RANBP2: variants seen among roughly 807,000 people sequenced by gnomAD.
RANBP2 encodes the protein E3 SUMO-protein ligase RanBP2.
A neutral mutation model predicts 303.6 loss-of-function variants in RANBP2; 57 were observed. That is an observed-to-expected ratio of 0.19 (90% CI 0.15 to 0.23). The LOEUF (loss-of-function observed/expected upper bound fraction) is 0.23, where lower values mean the gene tolerates loss of function less well. Among genes scored for constraint, RANBP2 ranks in the 10% least tolerant of loss-of-function variants. The pLI is 1.00. For synonymous variants in RANBP2, 1,167 were observed against 1,301.5 expected (o/e 0.90, Z 2.23); for missense variants, 3,138 against 3,780.8 (o/e 0.83, Z 4.46).
chr2:108,949,166 G>T, the RANBP2 span, among the ~76,000 whole-genome samples: 1 of 152,032 alleles, frequency 6.6e-6, no homozygotes, highest in African/African-American at 2.4e-5. Flanking sequence ...GTTTTTTGTA[G>T]AGATGGGATT....
the RANBP2 span, among the ~76,000 whole-genome samples, chr2:109,188,175 C>G: frequency 2.0e-5 from 3 of 152,234 alleles, no homozygotes; most frequent in African/African-American, 4.8e-5. Context: ...TCCCAAGAAC[C>G]AGACCTTGCT....
At chr2:108,725,729 C>CAA (rs760039984) in intron 1 of RANBP2, among the ~76,000 whole-genome samples, 2 of 137,698 alleles carry the variant, frequency 1.5e-5, no homozygotes, top group South Asian at 2.4e-4. Flanking sequence ...GACTCCATCT[C>CAA]AAAAAAAAAA....
At chr2:109,321,680 A>C in the RANBP2 span, among the ~76,000 whole-genome samples, 1 of 152,236 alleles carries the variant, frequency 6.6e-6, no homozygotes, top group Non-Finnish European at 1.5e-5. Context: ...AAAATGAATA[A>C]ATTTGTAATA....
At chr2:108,870,590 TATCTGCAAAGCAACA>T in the RANBP2 span, among the ~76,000 whole-genome samples, 1 of 151,770 alleles carries the variant, frequency 6.6e-6, no homozygotes, top group Non-Finnish European at 1.5e-5. Flanking sequence ...AGACAAAGAG[TATCTGCAAAGCAACA>T]AAAGTAAATG....
In RANBP2 at chr2:108,762,130, A is replaced by G. The variant is rs1340316458; in HGVS notation, c.2632A>G (p.Ser878Gly). The change falls in exon 19 of 29, where the codon AGT becomes GGT. Residue 878 changes from serine (S) to glycine (G), a missense_variant. Transcript: ENST00000283195. ...AACTACTGGCCCTTCAGTATATTAT[A>G]GTCAGTCACCAGCATATAATTCCCA... ...VATTGPSVYY[S>G]QSPAYNSQYL... The G allele has an allele frequency of 3.1e-6, 5 of 1,595,810 alleles. No individual in the cohort carries two copies. In the Admixed American group the frequency reaches 8.4e-5, roughly 27 times the overall value.
chr2:109,419,477 T>G, the RANBP2 span: 3 of 1,514,348 alleles, frequency 2.0e-6, no homozygotes, highest in Admixed American at 2.0e-5. Context: ...CATTTTGCTT[T>G]TCTCTTTCCC....
the RANBP2 span, among the ~76,000 whole-genome samples, chr2:108,987,007 C>T: frequency 6.6e-6 from 1 of 152,140 alleles, no homozygotes; most frequent in Non-Finnish European, 1.5e-5. Context: ...CAGGTGTCAT[C>T]CAGGATAATT....
At chr2:109,734,862 CTTTTTT>C in the RANBP2 span, among the ~76,000 whole-genome samples, 66 of 152,166 alleles carry the variant, frequency 4.3e-4, 1 homozygote, top group Admixed American at 3.9e-3. Context: ...TTCTTTCTTT[CTTTTTT>C]ATTTTTAATT....
At chr2:109,208,625 T>A in the RANBP2 span, among the ~76,000 whole-genome samples, 1 of 152,246 alleles carries the variant, frequency 6.6e-6, no homozygotes, top group South Asian at 2.1e-4. Flanking sequence ...GTCATTTGAC[T>A]TTACTGTTTT....
the RANBP2 span, among the ~76,000 whole-genome samples, chr2:109,415,831 T>G: frequency 2.0e-5 from 3 of 152,204 alleles, no homozygotes; most frequent in African/African-American, 7.2e-5. Context: ...ATGTCCCCTC[T>G]GAAATTCATG....
At chr2:109,009,702 CTTTTTTTTGTTT>C in the RANBP2 span, among the ~76,000 whole-genome samples, 1 of 123,126 alleles carries the variant, frequency 8.1e-6, no homozygotes, top group Admixed American at 8.3e-5. Context: ...ACATTTTTAC[CTTTTTTTTGTTT>C]TTTTTTTTTT....
At chr2:108,777,740 T>A (rs959398656) in intron 25 of RANBP2, among the ~76,000 whole-genome samples, 2 of 152,152 alleles carry the variant, frequency 1.3e-5, no homozygotes, top group East Asian at 3.8e-4. Flanking sequence ...TAGAAAAGAA[T>A]CCATTTCCCT....
At chr2:108,915,955 C>T in the RANBP2 span, among the ~76,000 whole-genome samples, 1 of 151,940 alleles carries the variant, frequency 6.6e-6, no homozygotes, top group Admixed American at 6.6e-5. Context: ...AAGTGCGTGC[C>T]CCTAGCTGAA....
chr2:108,748,775 T>G, intron 8 of RANBP2, 145 bp from the exon 9 acceptor site: 1 of 1,475,272 alleles, frequency 6.8e-7, no homozygotes, highest in Non-Finnish European at 9.4e-7. Flanking sequence ...AGCACCGGTT[T>G]TGTTGTCCAG....
the RANBP2 span, among the ~76,000 whole-genome samples, chr2:109,114,490 A>AT: frequency 3.3e-5 from 5 of 151,994 alleles, no homozygotes; most frequent in South Asian, 6.2e-4. Flanking sequence ...CCCCTTTATC[A>AT]TTTTTTATTG....
At chr2:109,251,616 TATC>T in the RANBP2 span, 19 of 1,283,830 alleles carry the variant, frequency 1.5e-5, no homozygotes, top group African/African-American at 2.2e-4. Flanking sequence ...TAGGAAATAG[TATC>T]ATCATGTTAG....
the RANBP2 span, chr2:108,923,385 G>C: frequency 6.2e-7 from 1 of 1,614,192 alleles, no homozygotes; most frequent in East Asian, 2.2e-5. Flanking sequence ...GGTGTTGGGG[G>C]GTGCCAGGAG....
At chr2:109,561,038 T>C in the RANBP2 span, among the ~76,000 whole-genome samples, 18 of 152,096 alleles carry the variant, frequency 1.2e-4, no homozygotes, top group African/African-American at 3.6e-4. Context: ...AAAATGCAAA[T>C]ATTATATTAT....
the RANBP2 span, among the ~76,000 whole-genome samples, chr2:108,990,796 G>A: frequency 1.3e-5 from 2 of 152,138 alleles, no homozygotes; most frequent in Non-Finnish European, 2.9e-5. Flanking sequence ...TTCAGGTTTG[G>A]TTGTCTACCC....
Sources: gnomAD v4.1 joint callset for allele counts (sites outside exome capture counted in the v4.1 genomes callset) on GRCh38, gnomAD v4.1.1 for gene constraint, MANE v1.5 for transcripts, NCBI Gene and HGNC (gene_info 2026-07-23, HGNC 2026-07-21) for gene names.